Variants in PTPRN2 observed in about 807,000 individuals in gnomAD.
PTPRN2 encodes receptor-type tyrosine-protein phosphatase N2.
In PTPRN2, 74 loss-of-function variants were observed where a neutral mutation model predicts 118.8. The observed-to-expected ratio is 0.62, with a 90% CI of 0.52 to 0.76. PTPRN2 has a LOEUF of 0.76. Among genes scored for constraint, PTPRN2 ranks in the 30% least tolerant of loss-of-function variants. The pLI, the probability that PTPRN2 is intolerant of heterozygous loss-of-function variation, is 0.00. For missense variants in PTPRN2, 1,481 were observed against 1,394.4 expected (o/e 1.06, Z -0.99); for synonymous variants, 641 against 608.0 (o/e 1.05, Z -0.80).
intron 2 of PTPRN2, among the ~76,000 whole-genome samples, chr7:158,474,309 C>T (rs1309997558): frequency 5.9e-5 from 9 of 152,218 alleles, no homozygotes; most frequent in Non-Finnish European, 1.2e-4. Flanking sequence ...GAAAACACTG[C>T]GTGTAACTGG....
At chr7:158,447,796 G>A (rs10236134) in intron 2 of PTPRN2, among the ~76,000 whole-genome samples, 54,680 of 152,170 alleles carry the variant, frequency 0.36, 10,695 homozygotes, top group East Asian at 0.57. Flanking sequence ...GCCGGGGTAC[G>A]AGCACCAGCA....
chr7:158,134,083 G>A, intron 8 of PTPRN2, 24 bp from the exon 9 acceptor site: 1 of 1,600,668 alleles, frequency 6.2e-7, no homozygotes. Context: ...CATTCCGTGA[G>A]GGACGTCTGC....
rs76085049 is a variant in PTPRN2, at chr7:157,956,285, G to T, written c.1724-57548C>A. Among the ~76,000 whole-genome samples, 51 of 152,260 alleles carry T rather than the reference G, an allele frequency of 3.3e-4. No individual in the cohort carries two copies. In the East Asian group the frequency reaches 9.9e-3, roughly 29 times the overall value. Reference sequence around the variant, plus strand: ...CAAGAGACGTGGAGCACATCTGGAGGGGGAGGCTGGGCTGCTGCTGTAGCC... The same window carrying T: ...CAAGAGACGTGGAGCACATCTGGAGTGGGAGGCTGGGCTGCTGCTGTAGCC... On this transcript the variant is annotated intron_variant, in intron 11 of 22. Coordinates refer to ENST00000389418, the MANE Select transcript of PTPRN2 (RefSeq NM_002847.5).
intron 12 of PTPRN2, among the ~76,000 whole-genome samples, chr7:157,895,747 A>G (rs1797073569): frequency 6.6e-6 from 1 of 152,114 alleles, no homozygotes; most frequent in Non-Finnish European, 1.5e-5. Flanking sequence ...AGAAGGTCCA[A>G]CCCTGCCTAA....
intron 12 of PTPRN2, among the ~76,000 whole-genome samples, chr7:157,804,662 T>A (rs1229693373): frequency 6.6e-6 from 1 of 152,102 alleles, no homozygotes; most frequent in Non-Finnish European, 1.5e-5. Context: ...TGCACACACA[T>A]GCACACAGTC....
At chr7:157,897,253 G>A (rs893645306) in intron 12 of PTPRN2, among the ~76,000 whole-genome samples, 4 of 152,052 alleles carry the variant, frequency 2.6e-5, no homozygotes, top group African/African-American at 9.7e-5. Context: ...ACGCACCTCC[G>A]ACATCACATC....
intron 10 of PTPRN2, among the ~76,000 whole-genome samples, chr7:158,094,194 C>T (rs1814433879): frequency 6.6e-6 from 1 of 152,220 alleles, no homozygotes; most frequent in Non-Finnish European, 1.5e-5. Flanking sequence ...CATGACCAGT[C>T]CCAAGAGAAG....
intron 5 of PTPRN2, among the ~76,000 whole-genome samples, chr7:158,175,772 T>C (rs1298254689): frequency 6.6e-6 from 1 of 152,168 alleles, no homozygotes; most frequent in Non-Finnish European, 1.5e-5. Context: ...AGTCCTAAAC[T>C]ACTTGGGATC....
At chr7:158,404,439 G>A (rs530918694) in intron 2 of PTPRN2, among the ~76,000 whole-genome samples, 10 of 152,280 alleles carry the variant, frequency 6.6e-5, no homozygotes, top group South Asian at 2.1e-4. Context: ...TGCTGACCCC[G>A]GGGCAGGCGC....
chr7:158,179,158 C>G (rs1325376874), intron 5 of PTPRN2, among the ~76,000 whole-genome samples: 1 of 152,200 alleles, frequency 6.6e-6, no homozygotes, highest in East Asian at 1.9e-4. Context: ...CACAGTCATA[C>G]CAACATCTAT....
At position 157,656,783 on chromosome 7, in the gene PTPRN2, G is replaced by T. The variant is rs145626198; in HGVS notation, c.2002-232C>A. 9.1e-4 allele frequency among the ~76,000 whole-genome samples: 138 copies of T among 152,090 alleles called. 3 individuals are homozygous for T. The highest frequency in any genetic ancestry group is 3.2e-3 in the African/African-American group (132 of 41,434). On this transcript the variant is annotated intron_variant, in intron 13 of 22. Coordinates refer to ENST00000389418, the MANE Select transcript of PTPRN2 (RefSeq NM_002847.5). Reference sequence around the variant, plus strand: ...TTCAGGCTTGTGCAGGAAAAGAGAGGCCTTGCTCTCAGAATCTGAGAATAC... The same window carrying T: ...TTCAGGCTTGTGCAGGAAAAGAGAGTCCTTGCTCTCAGAATCTGAGAATAC...
At chr7:157,776,417 TTCCTC>T (rs1461098421) in intron 12 of PTPRN2, among the ~76,000 whole-genome samples, 2 of 30,514 alleles carry the variant, frequency 6.6e-5, no homozygotes, top group Non-Finnish European at 1.3e-4. Context: ...CCTCCTCCTC[TTCCTC>T]CCTCCTCTGT....
intron 2 of PTPRN2, among the ~76,000 whole-genome samples, chr7:158,441,114 A>G (rs537652783): frequency 2.8e-5 from 4 of 143,362 alleles, no homozygotes; most frequent in Non-Finnish European, 6.0e-5. Context: ...AGTGATGGTG[A>G]TGGTGATAGT....
intron 2 of PTPRN2, among the ~76,000 whole-genome samples, chr7:158,323,312 A>G (rs28682392): frequency 0.4 from 61,036 of 151,840 alleles, 12,453 homozygotes; most frequent in Middle Eastern, 0.48. Flanking sequence ...ACAGAACTCC[A>G]ATCTCAGGGA....
At position 158,555,550 on chromosome 7, in the gene PTPRN2, G is replaced by T. The variant is rs62478277; in HGVS notation, c.112+32008C>A. On this transcript the variant is annotated intron_variant, in intron 1 of 22. Coordinates refer to ENST00000389418, the MANE Select transcript of PTPRN2 (RefSeq NM_002847.5). This position sits in a 1 kb window ranked among gnomAD's most constrained non-coding sequence, Gnocchi z 4.7. ...TGCTGCCCTTTCGTTCTCTCCCATT[G>T]TGCCCTTGGCAGAAGAATATATTTC... 0.018 allele frequency among the ~76,000 whole-genome samples: 2,793 copies of T among 152,274 alleles called. 43 individuals carry two copies. The highest frequency in any genetic ancestry group is 0.051 in the Middle Eastern group (15 of 294).
At chr7:157,549,043 T>A in intron 21 of PTPRN2, 24 bp from the exon 22 acceptor site, 1 of 1,610,676 alleles carries the variant, frequency 6.2e-7, no homozygotes, top group South Asian at 1.1e-5. Flanking sequence ...CAAATTGGGC[T>A]GAGTTCAGAG....
At chr7:158,192,703 C>T (rs1825879172) in intron 4 of PTPRN2, among the ~76,000 whole-genome samples, 1 of 152,116 alleles carries the variant, frequency 6.6e-6, no homozygotes, top group Non-Finnish European at 1.5e-5. Context: ...CAGCACCTGC[C>T]TCGTGGTTGT....
intron 2 of PTPRN2, among the ~76,000 whole-genome samples, chr7:158,333,511 C>A (rs1432538781): frequency 4.0e-5 from 6 of 148,460 alleles, no homozygotes; most frequent in African/African-American, 1.3e-4. Context: ...CACACCCACA[C>A]TCTCACCATA....
intron 6 of PTPRN2, among the ~76,000 whole-genome samples, chr7:158,143,015 G>C (rs147558827): frequency 2.6e-5 from 4 of 152,146 alleles, no homozygotes; most frequent in Non-Finnish European, 4.4e-5. Context: ...CCTCGCAACC[G>C]AGCCACCGAG....
Sources: gnomAD v4.1 joint callset for allele counts (sites outside exome capture counted in the v4.1 genomes callset) on GRCh38, gnomAD v4.1.1 for gene constraint, Gnocchi (gnomAD v3.1) non-coding constraint, MANE v1.5 for transcripts, NCBI Gene and HGNC (gene_info 2026-07-23, HGNC 2026-07-21) for gene names.